The following SPATS2L variants were observed in gnomAD, a reference collection of about 807,000 sequenced individuals.
The protein encoded by SPATS2L is SPATS2-like protein.
In SPATS2L, 30 loss-of-function variants were observed where a neutral mutation model predicts 59.6. The ratio of observed to expected loss-of-function variants is 0.50; its 90% confidence interval spans 0.38 to 0.68. The LOEUF (loss-of-function observed/expected upper bound fraction) is 0.68. Ranked by LOEUF, SPATS2L falls within the 30% of genes least tolerant of loss-of-function variation. The pLI, the probability that SPATS2L is intolerant of heterozygous loss-of-function variation, is 0.00. For missense variants in SPATS2L, 615 were observed against 700.0 expected (o/e 0.88, Z 1.37); for synonymous variants, 252 against 263.5 (o/e 0.96, Z 0.42).
intron 2 of SPATS2L, among the ~76,000 whole-genome samples, chr2:200,380,735 G>A (rs890154430): frequency 2.6e-5 from 4 of 152,182 alleles, no homozygotes; most frequent in Non-Finnish European, 4.4e-5. Context: ...CCCTTAAAAT[G>A]CTTTTCAGTG....
chr2:200,426,510 C>T (rs2083591740), intron 6 of SPATS2L, among the ~76,000 whole-genome samples: 2 of 152,146 alleles, frequency 1.3e-5, no homozygotes, highest in African/African-American at 4.8e-5. Context: ...AGGAGGATCA[C>T]TTGAGCCCAG....
chr2:200,472,338 C>T (rs1203002334), intron 11 of SPATS2L, among the ~76,000 whole-genome samples: 1 of 152,212 alleles, frequency 6.6e-6, no homozygotes, highest in Non-Finnish European at 1.5e-5. Context: ...TTCCCAAGCT[C>T]TCAGAACATC....
At chr2:200,477,535 A>AG (rs2087635602) in intron 12 of SPATS2L, 101 bp from the exon 13 acceptor site, 1 of 702,754 alleles carries the variant, frequency 1.4e-6, no homozygotes, top group East Asian at 3.8e-5. Flanking sequence ...AAAAAAAAAA[A>AG]AAAGCTTACC....
intron 1 of SPATS2L, among the ~76,000 whole-genome samples, chr2:200,316,067 G>T (rs1283906298): frequency 6.6e-6 from 1 of 150,610 alleles, no homozygotes; most frequent in East Asian, 2.0e-4. Flanking sequence ...AGCTTTATGT[G>T]TTCACGATGG....
intron 3 of SPATS2L, among the ~76,000 whole-genome samples, chr2:200,407,962 G>A (rs1163717521): frequency 6.6e-6 from 1 of 152,120 alleles, no homozygotes; most frequent in Admixed American, 6.5e-5. Context: ...CTTGTGAATG[G>A]GCATGGTGAT....
chr2:200,462,178 A>C (rs1359099566), intron 9 of SPATS2L, among the ~76,000 whole-genome samples: 1 of 152,256 alleles, frequency 6.6e-6, no homozygotes. Context: ...CTCTTGAACC[A>C]AAATGGAAAG....
At chr2:200,345,837 CT>C (rs1170723671) in intron 2 of SPATS2L, among the ~76,000 whole-genome samples, 2 of 152,136 alleles carry the variant, frequency 1.3e-5, no homozygotes, top group Non-Finnish European at 2.9e-5. Flanking sequence ...TTTTGGAGCG[CT>C]TATGGTGAGG....
chr2:200,467,249 C>A (rs1201257504), intron 9 of SPATS2L, 41 bp from the exon 10 acceptor site: 1 of 1,316,752 alleles, frequency 7.6e-7, no homozygotes, highest in Admixed American at 1.7e-5. Flanking sequence ...TAATATGTTT[C>A]AATCTCTGGC....
intron 1 of SPATS2L, among the ~76,000 whole-genome samples, chr2:200,315,009 G>A (rs370176385): frequency 2.6e-5 from 4 of 152,208 alleles, no homozygotes; most frequent in Non-Finnish European, 4.4e-5. Flanking sequence ...GCGACATAAA[G>A]AAATAATAAA....
At chr2:200,307,155 C>T (rs1192498010) in intron 1 of SPATS2L, among the ~76,000 whole-genome samples, 20 of 151,218 alleles carry the variant, frequency 1.3e-4, no homozygotes, top group Non-Finnish European at 7.4e-5. Context: ...CTCCAGCCGG[C>T]GCGGGCAAGC....
At chr2:200,340,210 G>T (rs769486397) in intron 2 of SPATS2L, among the ~76,000 whole-genome samples, 1 of 152,164 alleles carries the variant, frequency 6.6e-6, no homozygotes, top group Non-Finnish European at 1.5e-5. Context: ...TCTGAAGTAT[G>T]CTGTGCTCGC....
intron 6 of SPATS2L, among the ~76,000 whole-genome samples, chr2:200,438,223 AC>A (rs1204019316): frequency 6.6e-6 from 1 of 152,180 alleles, no homozygotes; most frequent in Non-Finnish European, 1.5e-5. Flanking sequence ...ACAAGTGAAG[AC>A]ATTCCCACAA....
At position 200,418,057 on chromosome 2, in the gene SPATS2L, G is replaced by A. The variant is rs533594553; in HGVS notation, c.199-1193G>A. On this transcript the variant is annotated intron_variant, in intron 5 of 12. Transcript: ENST00000409140. ...TATTCACCATTAGAGCATTTTAAGA[G>A]AGATATAGTAAAACTCCGCATTTTA... is the stretch of plus-strand genomic sequence containing the variant. Among the ~76,000 whole-genome samples the A allele has an allele frequency of 5.3e-5, 8 of 152,282 alleles. No homozygotes were observed. In the East Asian group the frequency reaches 1.5e-3, roughly 29 times the overall value.
rs2084643735 is a variant in SPATS2L, at chr2:200,440,801, A to G, written c.788+17A>G. 1 of 1,611,082 alleles carries G rather than the reference A, an allele frequency of 6.2e-7. No individual in the cohort carries two copies. ...ACACAACTGGTGAGTGATTCAACGT[A>G]GGAACCATAAATTTGTGATGCTTGA... On this transcript the variant is annotated intron_variant, in intron 8 of 12. Coordinates refer to ENST00000409140, the MANE Select transcript of SPATS2L (RefSeq NM_001100423.2).
chr2:200,386,365 G>A (rs1054126550), intron 2 of SPATS2L, among the ~76,000 whole-genome samples: 1 of 152,176 alleles, frequency 6.6e-6, no homozygotes, highest in African/African-American at 2.4e-5. Flanking sequence ...GAATAAAATT[G>A]TAATTAATTT....
At chr2:200,469,031 C>G (rs1199503247) in intron 10 of SPATS2L, among the ~76,000 whole-genome samples, 1 of 152,202 alleles carries the variant, frequency 6.6e-6, no homozygotes, top group East Asian at 1.9e-4. Context: ...GTTACACATT[C>G]TCTTAGACTC....
chr2:200,386,126 C>T (rs893590219), intron 2 of SPATS2L, among the ~76,000 whole-genome samples: 5 of 152,278 alleles, frequency 3.3e-5, no homozygotes, highest in African/African-American at 1.2e-4. Flanking sequence ...TTTTATTTTA[C>T]TGTGATGTGG....
At chr2:200,378,107 A>T in intron 2 of SPATS2L, 1 of 391,286 alleles carries the variant, frequency 2.6e-6, no homozygotes. Flanking sequence ...GGGAACAAGT[A>T]GTCTCTCTGA....
At chr2:200,428,073 C>CA (rs760149035) in intron 6 of SPATS2L, among the ~76,000 whole-genome samples, 699 of 59,622 alleles carry the variant, frequency 0.012, 2 homozygotes, top group Non-Finnish European at 0.019. Flanking sequence ...GTCTCAAAAA[C>CA]AAAAAAAAAA....
Sources: allele counts gnomAD v4.1 joint callset (sites outside exome capture counted in the v4.1 genomes callset), GRCh38; gene constraint gnomAD v4.1.1; transcripts MANE v1.5; gene names NCBI Gene and HGNC (gene_info 2026-07-23, HGNC 2026-07-21).